IMMT: variants seen among roughly 807,000 people sequenced by gnomAD.
IMMT encodes MICOS complex subunit MIC60.
In IMMT, 40 loss-of-function variants were observed where a neutral mutation model predicts 92.7. The observed-to-expected ratio is 0.43, with a 90% CI of 0.34 to 0.56. The LOEUF (loss-of-function observed/expected upper bound fraction) is 0.56. Among genes scored for constraint, IMMT ranks in the 20% least tolerant of loss-of-function variants. The pLI is 0.03. For synonymous variants in IMMT, 322 were observed against 336.1 expected (o/e 0.96, Z 0.46); for missense variants, 831 against 912.1 (o/e 0.91, Z 1.14).
intron 4 of IMMT, 156 bp downstream of exon 4, chr2:86,173,494 C>G: frequency 1.8e-6 from 1 of 557,892 alleles, no homozygotes; most frequent in Admixed American, 3.2e-5. Flanking sequence ...GCAGGAGAAT[C>G]GCTTGAACCT....
At chr2:86,185,160 A>C (rs1244114967) in intron 1 of IMMT, among the ~76,000 whole-genome samples, 1 of 151,474 alleles carries the variant, frequency 6.6e-6, no homozygotes, top group Non-Finnish European at 1.5e-5. Flanking sequence ...ACAGAGCCAG[A>C]CTCTGTCTTA....
chr2:86,157,021 C>G (rs1255908887), intron 10 of IMMT, among the ~76,000 whole-genome samples: 1 of 152,176 alleles, frequency 6.6e-6, no homozygotes, highest in African/African-American at 2.4e-5. Context: ...CAATGAGGCA[C>G]AGACAACCCC....
chr2:86,173,814 G>A lies in IMMT; in HGVS notation c.310-53C>T, dbSNP rs116697664. On this transcript the variant is annotated intron_variant, in intron 3 of 14. Transcript: ENST00000410111. ...CAGATATACTACTGTTTTTTAAAAA[G>A]GTACAGTGATTTGCAGTATTTCAAA... 4.0e-4 allele frequency: 387 copies of A among 959,950 alleles called. 2 individuals are homozygous for A. In the African/African-American group the frequency reaches 5.7e-3, roughly 14 times the overall value. The allele number at this position is 959,950 out of a possible 1,614,324, so 59.5% of individuals were successfully genotyped here. A position where few individuals can be genotyped will look rare whatever the true frequency, so the allele number is the denominator to read the frequency against.
rs1676681581 is a variant in IMMT, at chr2:86,166,419, A to T, written c.792+89T>A. The T allele has an allele frequency of 1.3e-5, 16 of 1,216,520 alleles. No homozygotes were observed. The South Asian group carries it at 2.5e-4, about 19-fold the overall frequency. 75.4% of individuals were successfully genotyped at this position (1,216,520 alleles called of 1,614,324 possible). The stretch of plus-strand genomic sequence containing the variant: ...ATCATACGGAAGAAAGCAGTCTGTT[A>T]AATATTACACTTCTCTCCACCCTCG... On this transcript the variant is annotated intron_variant, in intron 7 of 14. Coordinates refer to ENST00000410111, the MANE Select transcript of IMMT (RefSeq NM_006839.3).
intron 6 of IMMT, among the ~76,000 whole-genome samples, chr2:86,170,235 T>G (rs1036871566): frequency 1.5e-4 from 23 of 152,120 alleles, no homozygotes; most frequent in African/African-American, 5.1e-4. Flanking sequence ...GGCAACATAG[T>G]GAGATGCCTG....
At chr2:86,170,697 G>T in intron 6 of IMMT, 52 bp downstream of exon 6, 1 of 1,172,384 alleles carries the variant, frequency 8.5e-7, no homozygotes, top group Non-Finnish European at 1.2e-6. Context: ...TTTAAGAAGA[G>T]AGCAACTGGG....
chr2:86,187,210 A>C (rs1324543983), intron 1 of IMMT, among the ~76,000 whole-genome samples: 1 of 151,584 alleles, frequency 6.6e-6, no homozygotes, highest in Non-Finnish European at 1.5e-5. Context: ...GTCATCCCCC[A>C]TTTTCCTCTC....
Position 86,195,416 on chromosome 2 carries a change from G to A in IMMT, c.-34C>T, listed in dbSNP as rs1048967265. 1.9e-6 allele frequency: 3 copies of A among 1,543,202 alleles called. No individual in the cohort carries two copies. Among genetic ancestry groups the A allele is most frequent in the South Asian group, 2.4e-5 (2 of 83,176 alleles). On this transcript the variant is annotated 5_prime_UTR_variant, in exon 1 of 15. Transcript: ENST00000410111. ...AGCGGACGGCGCTGCTGGTGGACTC[G>A]AGCTGCCGCGGCGGCGCGAGTTAAG...
chr2:86,173,706 T>G lies in IMMT; in HGVS notation c.365A>C (p.Lys122Thr). Residue 122 changes from lysine to threonine, a missense_variant, in exon 4 of 15, where the codon AAA (lysine) becomes ACA (threonine). Coordinates refer to ENST00000410111, the MANE Select transcript of IMMT (RefSeq NM_006839.3). ...SSVSEVMKES[K>T]QPASQLQKQK... ...TTTTTGGAGTTGTGAGGCAGGCTGT[T>G]TAGATTCTTTCATTACTTCTGATAC... 1 of 1,609,172 alleles carries G rather than the reference T, an allele frequency of 6.2e-7. No homozygotes were observed. The highest frequency in any genetic ancestry group is 8.5e-7 in the Non-Finnish European group (1 of 1,175,804).
At chr2:86,155,103 T>TCCAC (rs1675761718) in intron 10 of IMMT, among the ~76,000 whole-genome samples, 1 of 152,076 alleles carries the variant, frequency 6.6e-6, no homozygotes, top group African/African-American at 2.4e-5. Context: ...CCTCAGGCAA[T>TCCAC]CCACCCACCT....
At chr2:86,180,664 A>C (rs1166825355) in intron 2 of IMMT, among the ~76,000 whole-genome samples, 3 of 151,202 alleles carry the variant, frequency 2.0e-5, no homozygotes, top group Non-Finnish European at 4.4e-5. Flanking sequence ...AGGCGGATGG[A>C]TCACCTGAGG....
At chr2:86,157,914 G>A (rs1308280799) in intron 10 of IMMT, among the ~76,000 whole-genome samples, 1 of 151,600 alleles carries the variant, frequency 6.6e-6, no homozygotes, top group Non-Finnish European at 1.5e-5. Context: ...GGAGGTGGAG[G>A]ACTACACTCC....
intron 5 of IMMT, 97 bp from the exon 6 acceptor site, chr2:86,170,941 A>G (rs1029537854): frequency 1.1e-6 from 1 of 910,984 alleles, no homozygotes; most frequent in South Asian, 1.5e-5. Flanking sequence ...CTGGCCAGTT[A>G]TATCAATGCA....
chr2:86,150,218 TG>T (rs1415068477), intron 12 of IMMT, among the ~76,000 whole-genome samples: 1 of 152,170 alleles, frequency 6.6e-6, no homozygotes, highest in African/African-American at 2.4e-5. Flanking sequence ...GGTAGGCTGC[TG>T]GATAGGAACC....
At chr2:86,191,543 G>A (rs1404638141) in intron 1 of IMMT, among the ~76,000 whole-genome samples, 1 of 151,992 alleles carries the variant, frequency 6.6e-6, no homozygotes, top group Non-Finnish European at 1.5e-5. Flanking sequence ...TAGGTCTCCA[G>A]TCTGCCAAAC....
chr2:86,144,554 T>G lies in IMMT; in HGVS notation c.1991A>C (p.Gln664Pro). 1 of 1,614,036 alleles carries G rather than the reference T, an allele frequency of 6.2e-7. No individual in the cohort carries two copies. The highest frequency in any genetic ancestry group is 2.2e-5 in the East Asian group (1 of 44,888). ...CTGAGGTGGGAATAGGAGCAGGGAC[T>G]GTAGGTAGGAGAGGAAGTACTGGTA... ...SLYQYFLSYL[Q>P]SLLLFPPQQL... is the part of the protein sequence containing the mutation. The change falls in exon 15 of 15, where the codon CAG (glutamine) becomes CCG (proline). Residue 664 changes from glutamine (Q) to proline (P), a missense_variant. Coordinates refer to ENST00000410111, the MANE Select transcript of IMMT (RefSeq NM_006839.3).
At chr2:86,195,284 G>T in intron 1 of IMMT, 54 bp downstream of exon 1, 1 of 1,459,278 alleles carries the variant, frequency 6.9e-7, no homozygotes, top group Non-Finnish European at 9.1e-7. Context: ...CCCGTTTTTC[G>T]CTGACGGTTC....
In IMMT at chr2:86,144,153, AC is replaced by A; in HGVS notation, c.*114del. Reference sequence around the variant, plus strand: ...AACAGGTGTTAACATTTAGAACAGTACTTGTAAACCTGCTCATTTCTAGACA... The same window carrying A: ...AACAGGTGTTAACATTTAGAACAGTATTGTAAACCTGCTCATTTCTAGACA... On this transcript the variant is annotated 3_prime_UTR_variant, in exon 15 of 15. Transcript: ENST00000410111. The A allele has an allele frequency of 1.8e-6, 2 of 1,115,954 alleles. No individual in the cohort carries two copies. The allele number at this position is 1,115,954 out of a possible 1,614,324, so 69.1% of individuals were successfully genotyped here.
intron 4 of IMMT, 23 bp from the exon 5 acceptor site, chr2:86,171,368 G>T (rs773445621): frequency 6.9e-6 from 11 of 1,601,072 alleles, no homozygotes; most frequent in Admixed American, 3.4e-5. Flanking sequence ...GTTACTCATG[G>T]TATTTATACT....
Sources: gnomAD v4.1 joint callset for allele counts (sites outside exome capture counted in the v4.1 genomes callset) on GRCh38, gnomAD v4.1.1 for gene constraint, MANE v1.5 for transcripts, NCBI Gene and HGNC (gene_info 2026-07-23, HGNC 2026-07-21) for gene names.